PTCHD4: variants seen among roughly 807,000 people sequenced by gnomAD.
PTCHD4 encodes patched domain-containing protein 4.
A neutral mutation model predicts 58.1 loss-of-function variants in PTCHD4; 33 were observed. The observed-to-expected ratio is 0.57, with a 90% CI of 0.43 to 0.76. PTCHD4 has a LOEUF of 0.76. Ranked by LOEUF, PTCHD4 falls within the 30% of genes least tolerant of loss-of-function variation. The pLI is 0.00. For missense variants in PTCHD4, 1,058 were observed against 1,027.1 expected, an observed-to-expected ratio of 1.03 and a Z score of -0.41; for synonymous variants, 478 against 409.6, an observed-to-expected ratio of 1.17 and a Z score of -2.02.
At chr6:47,982,827 C>T (rs995458315) in intron 4 of PTCHD4, among the ~76,000 whole-genome samples, 2 of 152,124 alleles carry the variant, frequency 1.3e-5, no homozygotes, top group Non-Finnish European at 2.9e-5. Context: ...AGCACAACAC[C>T]TAGCAGATAA....
intron 1 of PTCHD4, among the ~76,000 whole-genome samples, chr6:48,108,344 C>T (rs1254050945): frequency 5.9e-5 from 9 of 151,882 alleles, no homozygotes; most frequent in South Asian, 4.2e-4. Context: ...AGCAAACTAT[C>T]GCAAGGACAA....
intron 3 of PTCHD4, among the ~76,000 whole-genome samples, chr6:48,049,399 T>C (rs568409951): frequency 6.6e-6 from 1 of 152,110 alleles, no homozygotes; most frequent in Admixed American, 6.6e-5. Context: ...CCAAGGTGGC[T>C]TTCTGTGTCT....
chr6:48,097,253 A>C (rs1765491852), intron 1 of PTCHD4, among the ~76,000 whole-genome samples: 2 of 152,150 alleles, frequency 1.3e-5, no homozygotes, highest in Non-Finnish European at 2.9e-5. Context: ...AAAGAAATAC[A>C]AAAATAATTA....
At chr6:48,040,983 A>C (rs1367377368) in intron 3 of PTCHD4, among the ~76,000 whole-genome samples, 1 of 152,108 alleles carries the variant, frequency 6.6e-6, no homozygotes, top group Non-Finnish European at 1.5e-5. Context: ...TAATATATAC[A>C]TTATATATAT....
chr6:47,946,078 T>A (rs1262255633), intron 4 of PTCHD4, among the ~76,000 whole-genome samples: 1 of 152,036 alleles, frequency 6.6e-6, no homozygotes, highest in Non-Finnish European at 1.5e-5. Context: ...ATGTGGTAAA[T>A]ATGATACTGA....
chr6:47,924,232 G>A (rs1011904854), intron 4 of PTCHD4, among the ~76,000 whole-genome samples: 4 of 152,036 alleles, frequency 2.6e-5, no homozygotes, highest in African/African-American at 9.7e-5. Context: ...GGCCAGCACT[G>A]TCCTGCTGCT....
At chr6:47,991,736 A>T (rs2814479) in intron 4 of PTCHD4, among the ~76,000 whole-genome samples, 119 of 151,944 alleles carry the variant, frequency 7.8e-4, no homozygotes, top group African/African-American at 2.8e-3. Context: ...ATATAAAAGG[A>T]AAAGGAAGGT....
chr6:48,023,403 G>A (rs1388314281), intron 3 of PTCHD4, among the ~76,000 whole-genome samples: 1 of 152,090 alleles, frequency 6.6e-6, no homozygotes, highest in African/African-American at 2.4e-5. Context: ...AAGCTAGATA[G>A]TCTCCTTATA....
intron 3 of PTCHD4, among the ~76,000 whole-genome samples, chr6:48,051,829 C>G (rs536444951): frequency 6.6e-6 from 1 of 151,984 alleles, no homozygotes; most frequent in East Asian, 1.9e-4. Context: ...ACAAGTAAAG[C>G]CCATTTTTTA....
rs766922546 is a variant in PTCHD4, at chr6:48,008,764, G to A, written c.768C>T (p.Arg256=). ...CCAGGAGGCCCAGGAAGGGCTTACT[G>A]CGCAAGCAGTCCTTCATGGAGCTGG... ...TLSSSMKDCL[R]SKPFLGLLGV... The change falls in exon 4 of 5, where the codon CGC becomes CGT. Residue 256 remains arginine (R), a synonymous_variant. Coordinates refer to ENST00000339488, the MANE Select transcript of PTCHD4 (RefSeq NM_001384253.1). 4 of 1,613,866 alleles carry A rather than the reference G, an allele frequency of 2.5e-6. No individual in the cohort carries two copies. In the Admixed American group the frequency reaches 5.0e-5, roughly 20 times the overall value.
At chr6:48,098,558 C>T (rs1019455851) in intron 1 of PTCHD4, among the ~76,000 whole-genome samples, 5 of 152,184 alleles carry the variant, frequency 3.3e-5, no homozygotes, top group African/African-American at 7.2e-5. Context: ...AGGATGGCCT[C>T]GAACTCCTGA....
intron 4 of PTCHD4, among the ~76,000 whole-genome samples, chr6:47,880,627 T>A (rs146303272): frequency 6.6e-6 from 1 of 152,152 alleles, no homozygotes; most frequent in Non-Finnish European, 1.5e-5. Context: ...CATAGAGCTC[T>A]GATTCACGTG....
chr6:47,988,906 G>T (rs1200037273), intron 4 of PTCHD4, among the ~76,000 whole-genome samples: 1 of 152,200 alleles, frequency 6.6e-6, no homozygotes, highest in African/African-American at 2.4e-5. Flanking sequence ...AAGCAACTTT[G>T]CAACTGGGTA....
intron 1 of PTCHD4, among the ~76,000 whole-genome samples, chr6:48,092,545 G>C (rs187927278): frequency 6.6e-6 from 1 of 152,042 alleles, no homozygotes; most frequent in Non-Finnish European, 1.5e-5. Context: ...ATTTTTGATA[G>C]CTCATTGACT....
chr6:47,995,980 G>T (rs1581990355), intron 4 of PTCHD4, among the ~76,000 whole-genome samples: 1 of 152,200 alleles, frequency 6.6e-6, no homozygotes, highest in East Asian at 1.9e-4. Flanking sequence ...TTTATTTTAG[G>T]TTTAACTTTC....
At chr6:48,024,526 T>C (rs370140789) in intron 3 of PTCHD4, among the ~76,000 whole-genome samples, 11 of 152,266 alleles carry the variant, frequency 7.2e-5, no homozygotes, top group African/African-American at 1.9e-4. Flanking sequence ...ATAGGCTTTC[T>C]CTACTCTGGA....
At chr6:47,897,940 C>CTTTCTT (rs1391426036) in intron 4 of PTCHD4, among the ~76,000 whole-genome samples, 1 of 76,356 alleles carries the variant, frequency 1.3e-5, no homozygotes, top group African/African-American at 4.9e-5. Flanking sequence ...TTCTTTCTTT[C>CTTTCTT]TTTTTTTTTT....
chr6:47,948,758 T>A (rs978827271), intron 4 of PTCHD4, among the ~76,000 whole-genome samples: 1 of 152,138 alleles, frequency 6.6e-6, no homozygotes, highest in Non-Finnish European at 1.5e-5. Context: ...AGCAGCTCTG[T>A]TTACACCTTT....
intron 3 of PTCHD4, among the ~76,000 whole-genome samples, chr6:48,027,974 C>G (rs542682190): frequency 3.2e-4 from 49 of 152,164 alleles, no homozygotes; most frequent in Admixed American, 1.5e-3. Flanking sequence ...GACAGTCTCG[C>G]TCTATTGCTC....
Sources: gnomAD v4.1 joint callset for allele counts (sites outside exome capture counted in the v4.1 genomes callset) on GRCh38, gnomAD v4.1.1 for gene constraint, MANE v1.5 for transcripts, NCBI Gene and HGNC (gene_info 2026-07-23, HGNC 2026-07-21) for gene names.